The following HMGB1 variants were observed in gnomAD, a reference collection of about 807,000 sequenced individuals.
The protein encoded by HMGB1 is high mobility group box 1, also known as high mobility group protein B1.
For missense variants in HMGB1, 79 were observed against 253.5 expected (o/e 0.31, Z 4.67); for synonymous variants, 81 against 84.0 (o/e 0.96, Z 0.19).
At chr13:30,529,028 CAAAAAAAAA>C (rs59654057) in intron 1 of HMGB1, among the ~76,000 whole-genome samples, 46 of 53,534 alleles carry the variant, frequency 8.6e-4, no homozygotes, top group East Asian at 1.3e-3. Context: ...GACTGCGTCT[CAAAAAAAAA>C]AAAAAAAAAA....
chr13:30,586,486 T>G (rs1018084336), intron 1 of HMGB1, among the ~76,000 whole-genome samples: 16 of 140,846 alleles, frequency 1.1e-4, no homozygotes, highest in African/African-American at 1.6e-4. Flanking sequence ...TTTGTTTTTT[T>G]TTTTTTTTTT....
rs546252353 is a variant in HMGB1 at position 30,538,064 on chromosome 13, A to T, written c.-14-74370T>A. ...AGCCCCTAAAGACACACAAAGGTGA[A>T]TGTGGAAGATCATAGTTCCAGCTGC... On this transcript the variant is annotated intron_variant, in intron 1 of 4. Transcript: ENST00000405805. 9.8e-5 allele frequency among the ~76,000 whole-genome samples: 15 copies of T among 152,330 alleles called. No homozygotes were observed. The South Asian group carries it at 3.1e-3, about 32-fold the overall frequency.
Position 30,543,244 on chromosome 13 carries a change from A to C in HMGB1, c.-15+73427T>G, listed in dbSNP as rs186412768. The C allele has an allele frequency of 1.9e-3, 288 of 151,152 alleles. 1 individual carries two copies. Among genetic ancestry groups the C allele is most frequent in the Admixed American group, 6.9e-3 (103 of 14,948 alleles). The allele number at this position is 151,152 out of a possible 1,614,324, so 9.4% of individuals were successfully genotyped here. ...CAGGTTCAAGCGATTTTCATGCCTC[A>C]GCCTCCAGAGTAGCTGGGATTACAG... On this transcript the variant is annotated intron_variant, in intron 1 of 4. Transcript: ENST00000405805.
At chr13:30,476,325 G>C (rs1357385416) in intron 1 of HMGB1, among the ~76,000 whole-genome samples, 1 of 151,856 alleles carries the variant, frequency 6.6e-6, no homozygotes, top group Middle Eastern at 3.2e-3. Flanking sequence ...TTTCAGTAGA[G>C]ATGGGGTTTC....
intron 1 of HMGB1, among the ~76,000 whole-genome samples, chr13:30,574,400 T>C (rs2137536675): frequency 6.6e-6 from 1 of 152,324 alleles, no homozygotes; most frequent in East Asian, 1.9e-4. Context: ...TTCCTAGTGC[T>C]AACACACTGT....
intron 1 of HMGB1, among the ~76,000 whole-genome samples, chr13:30,577,044 T>C (rs1266674536): frequency 6.6e-6 from 1 of 152,084 alleles, no homozygotes; most frequent in Non-Finnish European, 1.5e-5. Context: ...ATCAGTGTCC[T>C]TATAAGAAGA....
At chr13:30,530,561 C>G (rs1481132284) in intron 1 of HMGB1, among the ~76,000 whole-genome samples, 1 of 152,062 alleles carries the variant, frequency 6.6e-6, no homozygotes, top group African/African-American at 2.4e-5. Flanking sequence ...CTGAAGTGTG[C>G]AAATATATAG....
At chr13:30,591,819 T>C (rs1871385477) in intron 1 of HMGB1, among the ~76,000 whole-genome samples, 1 of 152,194 alleles carries the variant, frequency 6.6e-6, no homozygotes, top group South Asian at 2.1e-4. Flanking sequence ...TCAACTCTTA[T>C]TCTATATTAA....
At chr13:30,603,955 A>G (rs775911392) in intron 1 of HMGB1, among the ~76,000 whole-genome samples, 1 of 152,230 alleles carries the variant, frequency 6.6e-6, no homozygotes, top group Non-Finnish European at 1.5e-5. Flanking sequence ...ACAGATGTGG[A>G]ATCCATGGAT....
chr13:30,591,027 CTTTTTTT>C lies in HMGB1; in HGVS notation c.-15+25637_-15+25643del, dbSNP rs910554887. The stretch of plus-strand genomic sequence containing the variant: ...AACAGGTTAGAAAAGGAGGCAGGGC[CTTTTTTT>C]TTTTTTTTTTTTTTTTGAGACAAAG... On this transcript the variant is annotated intron_variant, in intron 1 of 4. Coordinates refer to the HMGB1 transcript ENST00000405805. Among the ~76,000 whole-genome samples, 468 of 109,924 alleles carry C rather than the reference CTTTTTTT, an allele frequency of 4.3e-3. 6 individuals carry two copies. The highest frequency in any genetic ancestry group is 0.019 in the South Asian group (66 of 3,388). The allele number at this position is 109,924 out of a possible 152,430, so 72.1% of individuals were successfully genotyped here.
intron 1 of HMGB1, among the ~76,000 whole-genome samples, chr13:30,615,285 C>T (rs187068361): frequency 6.6e-6 from 1 of 152,240 alleles, no homozygotes; most frequent in East Asian, 1.9e-4. Flanking sequence ...ATAGCACAAG[C>T]GTGTTGCCAA....
intron 1 of HMGB1, among the ~76,000 whole-genome samples, chr13:30,610,738 CAAAAAAA>C (rs71192663): frequency 2.1e-5 from 3 of 143,828 alleles, no homozygotes; most frequent in Admixed American, 6.9e-5. Flanking sequence ...TACACTAAAA[CAAAAAAA>C]AAAAAGTGGG....
upstream of HMGB1, among the ~76,000 whole-genome samples, chr13:30,470,570 G>A (rs1236167938): frequency 6.6e-6 from 1 of 152,208 alleles, no homozygotes; most frequent in Non-Finnish European, 1.5e-5. Flanking sequence ...GTGAACTATG[G>A]CAAGCCAAAT....
At chr13:30,584,789 AC>A (rs1331604189) in intron 1 of HMGB1, among the ~76,000 whole-genome samples, 1 of 152,218 alleles carries the variant, frequency 6.6e-6, no homozygotes, top group African/African-American at 2.4e-5. Flanking sequence ...TACAATTAAC[AC>A]AATTTTATCT....
At chr13:30,552,770 G>T (rs1472992060) in intron 1 of HMGB1, among the ~76,000 whole-genome samples, 1 of 152,094 alleles carries the variant, frequency 6.6e-6, no homozygotes, top group Non-Finnish European at 1.5e-5. Context: ...ATTGTAACTG[G>T]TCATGTGTCT....
At chr13:30,466,324 G>T (rs1886784821), upstream of HMGB1, among the ~76,000 whole-genome samples, 2 of 124,904 alleles carry the variant, frequency 1.6e-5, no homozygotes, top group Non-Finnish European at 3.3e-5. Flanking sequence ...CCACATTCAC[G>T]CCCAAAGCCG....
chr13:30,475,701 C>T (rs1039514922), intron 1 of HMGB1, among the ~76,000 whole-genome samples: 2 of 152,028 alleles, frequency 1.3e-5, no homozygotes, highest in African/African-American at 4.8e-5. Flanking sequence ...GAGACCCTGT[C>T]TCTAAACAAA....
chr13:30,616,254 C>T (rs971861191), intron 1 of HMGB1, among the ~76,000 whole-genome samples: 1 of 152,154 alleles, frequency 6.6e-6, no homozygotes, highest in Non-Finnish European at 1.5e-5. Flanking sequence ...ACTCAAGCCC[C>T]GCCTCCATTT....
chr13:30,548,249 C>T (rs1053894813), intron 1 of HMGB1, among the ~76,000 whole-genome samples: 8 of 152,048 alleles, frequency 5.3e-5, no homozygotes, highest in Admixed American at 3.9e-4. Context: ...TGAGATCTGA[C>T]GGTTTTATAA....
Sources: allele counts gnomAD v4.1 joint callset (sites outside exome capture counted in the v4.1 genomes callset), GRCh38; gene constraint gnomAD v4.1.1; transcripts MANE v1.5; gene names NCBI Gene and HGNC (gene_info 2026-07-23, HGNC 2026-07-21).